Variants in DEDD2 observed in about 807,000 individuals in gnomAD.
DEDD2 encodes death effector domain containing 2, also known as DNA-binding death effector domain-containing protein 2.
Under a neutral mutation model 28.9 loss-of-function variants are expected in DEDD2, and 18 were observed. That is an observed-to-expected ratio of 0.62 (90% confidence interval 0.43 to 0.92). DEDD2 has a LOEUF of 0.92. DEDD2 is among the 40% of genes least tolerant of loss of function. The pLI is 0.00. For synonymous variants in DEDD2, 211 were observed against 206.1 expected (o/e 1.02, Z -0.20); for missense variants, 411 against 463.3 (o/e 0.89, Z 1.04).
chr19:42,205,097 A>C (rs914727983), intron 4 of DEDD2, among the ~76,000 whole-genome samples: 2 of 152,162 alleles, frequency 1.3e-5, no homozygotes, highest in African/African-American at 4.8e-5. Flanking sequence ...GGAAATACAA[A>C]AGACAGGGTA....
intron 4 of DEDD2, chr19:42,202,048 T>C (rs2035352229): frequency 1.0e-5 from 4 of 398,672 alleles, no homozygotes; most frequent in Non-Finnish European, 1.8e-5. Context: ...CATGTGACCT[T>C]ACCTCTCTGA....
At chr19:42,216,319 C>T (rs148361832) in intron 2 of DEDD2, among the ~76,000 whole-genome samples, 83 of 152,350 alleles carry the variant, frequency 5.4e-4, no homozygotes, top group Non-Finnish European at 9.7e-4. Context: ...TACGTGCAAA[C>T]TGCTTAACTT....
chr19:42,213,240 G>C (rs1185316141), intron 3 of DEDD2, among the ~76,000 whole-genome samples: 2 of 152,032 alleles, frequency 1.3e-5, no homozygotes, highest in East Asian at 3.9e-4. Context: ...CAAACTCAAA[G>C]GGGCATTGGG....
intron 3 of DEDD2, among the ~76,000 whole-genome samples, 188 bp downstream of exon 3, chr19:42,214,945 A>G (rs754831751): frequency 1.8e-4 from 27 of 152,142 alleles, no homozygotes. Flanking sequence ...ACGAAACACG[A>G]AACTATGTGC....
intron 4 of DEDD2, chr19:42,201,620 T>C (rs1351526604): frequency 5.7e-6 from 1 of 176,504 alleles, no homozygotes; most frequent in Non-Finnish European, 1.2e-5. Context: ...ACAGACCATG[T>C]CAGCCACAGA....
Position 42,216,759 on chromosome 19 carries a change from C to A in DEDD2, c.249G>T (p.Leu83=). The change falls in exon 2 of 5, where the codon CTG becomes CTT. Residue 83 remains leucine, a synonymous_variant. Coordinates refer to ENST00000596251, the MANE Select transcript of DEDD2 (RefSeq NM_133328.4). ...CGCGCAGGAGTTGCCCCAGCAGCCGCAGGTTGCTCTCGTCGCACTGCCCGC... is the reference window on the plus strand; with the variant it reads ...CGCGCAGGAGTTGCCCCAGCAGCCGAAGGTTGCTCTCGTCGCACTGCCCGC... ...ERRGQCDESN[L]RLLGQLLRVL... 6.3e-7 allele frequency: 1 copy of A among 1,593,978 alleles called. No individual in the cohort carries two copies. The highest frequency in any genetic ancestry group is 8.5e-7 in the Non-Finnish European group (1 of 1,171,228).
At position 42,215,256 on chromosome 19, in the gene DEDD2, G is replaced by A. The variant is rs1401507043; in HGVS notation, c.329-4C>T. On this transcript the variant is annotated splice_polypyrimidine_tract_variant and splice_region_variant and intron_variant, in intron 2 of 4. Coordinates refer to ENST00000596251, the MANE Select transcript of DEDD2 (RefSeq NM_133328.4). ...TAGCTATAGCGTTCTGGAGACACTG[G>A]AGGAAGAGAAGAACAGGAAGAAGCA... The A allele has an allele frequency of 6.2e-7, 1 of 1,613,826 alleles. No individual in the cohort carries two copies. The highest frequency in any genetic ancestry group is 1.3e-5 in the African/African-American group (1 of 75,044).
chr19:42,213,318 A>G (rs541804414), intron 3 of DEDD2, among the ~76,000 whole-genome samples: 26 of 152,362 alleles, frequency 1.7e-4, no homozygotes, highest in African/African-American at 6.0e-4. Context: ...GCAAACACCA[A>G]TGTGATAACT....
intron 4 of DEDD2, among the ~76,000 whole-genome samples, chr19:42,205,427 C>T (rs532251995): frequency 1.3e-5 from 2 of 151,954 alleles, no homozygotes; most frequent in South Asian, 4.2e-4. Context: ...GTCGGGAGTT[C>T]GAGACCAGCC....
At position 42,209,751 on chromosome 19, in the gene DEDD2, G is replaced by A. The variant is rs1399997877; in HGVS notation, c.538C>T (p.Gln180Ter). ...RRRRGAPAAP[Q>*]QQSEPARPSS... ...GGTCTGGCGGGCTCTGACTGCTGCT[G>A]GGGTGCGGCTGGGGCCCCTCTCCGC... Residue 180 changes from glutamine (Q) to a stop codon, truncating the protein, a stop_gained, in exon 4 of 5, where the codon CAG (glutamine) becomes TAG (stop). Transcript: ENST00000596251. LOFTEE classifies it high-confidence loss of function. The A allele has an allele frequency of 6.2e-7, 1 of 1,606,432 alleles. No homozygotes were observed. The highest frequency in any genetic ancestry group is 8.5e-7 in the Non-Finnish European group (1 of 1,176,834).
At chr19:42,207,647 G>A (rs1343144180) in intron 4 of DEDD2, among the ~76,000 whole-genome samples, 1 of 152,120 alleles carries the variant, frequency 6.6e-6, no homozygotes, top group Non-Finnish European at 1.5e-5. Context: ...GTAAACTCCT[G>A]GAGGCTGAGG....
upstream of DEDD2, among the ~76,000 whole-genome samples, chr19:42,219,290 G>A (rs947814419): frequency 2.0e-5 from 3 of 148,998 alleles, no homozygotes; most frequent in Non-Finnish European, 4.5e-5. Flanking sequence ...GGCAACAATA[G>A]CAAAACTCTG....
chr19:42,215,179 C>CCGACGG lies in DEDD2; in HGVS notation c.396_401dup (p.Arg133_Arg134dup), dbSNP rs755680228. 2.5e-6 allele frequency: 4 copies of CCGACGG among 1,614,006 alleles called. No homozygotes were observed. In the African/African-American group the frequency reaches 5.3e-5, roughly 22 times the overall value. On this transcript the variant is annotated inframe_insertion, in exon 3 of 5. Transcript: ENST00000596251. The stretch of plus-strand genomic sequence containing the variant: ...GAGAATTTGCAGAACTGCTTGACTG[C>CCGACGG]CGACGGCGACGGCAGCTACCCTCTG...
In DEDD2 at chr19:42,209,788, A is replaced by G. The variant is rs1397636319; in HGVS notation, c.501T>C (p.Gly167=). ...GGGCCCCTCTCCGCCGCCGTCTGGC[A>G]CCACCACTGGGCCGGCCCCGACTCC... The part of the protein sequence containing the change: ...QRRSRGRPSG[G]ARRRRRGAPA... The change falls in exon 4 of 5, where the codon GGT becomes GGC. Residue 167 remains glycine (G), a synonymous_variant. Coordinates refer to ENST00000596251, the MANE Select transcript of DEDD2 (RefSeq NM_133328.4). 2 of 1,591,764 alleles carry G rather than the reference A, an allele frequency of 1.3e-6. No individual in the cohort carries two copies. The highest frequency in any genetic ancestry group is 2.3e-5 in the South Asian group (2 of 88,724).
intron 4 of DEDD2, among the ~76,000 whole-genome samples, chr19:42,207,691 G>A (rs1349695320): frequency 1.3e-5 from 2 of 152,160 alleles, no homozygotes; most frequent in African/African-American, 4.8e-5. Flanking sequence ...TGAGCCCTCC[G>A]TGCCTGGAAC....
intron 4 of DEDD2, among the ~76,000 whole-genome samples, chr19:42,207,953 T>C (rs1016160521): frequency 4.6e-5 from 7 of 152,074 alleles, no homozygotes; most frequent in African/African-American, 1.7e-4. Flanking sequence ...TCCAGCTTCC[T>C]TGAGCTTGTT....
At chr19:42,200,782 A>T (rs975790135) in intron 4 of DEDD2, among the ~76,000 whole-genome samples, 15 of 152,178 alleles carry the variant, frequency 9.9e-5, no homozygotes, top group Non-Finnish European at 2.2e-4. Context: ...TGCTGAAGCC[A>T]GTTTGAGTCG....
chr19:42,200,309 A>T (rs1164273280), intron 4 of DEDD2, among the ~76,000 whole-genome samples: 1 of 151,824 alleles, frequency 6.6e-6, no homozygotes, highest in East Asian at 1.9e-4. Flanking sequence ...GGAGAGACAG[A>T]TGACAGCAAG....
chr19:42,204,773 C>T (rs936163374), intron 4 of DEDD2, among the ~76,000 whole-genome samples: 2 of 147,324 alleles, frequency 1.4e-5, no homozygotes, highest in African/African-American at 5.1e-5. Flanking sequence ...CGCCCCCACA[C>T]CAGGACCAGC....
Sources: allele counts gnomAD v4.1 joint callset (sites outside exome capture counted in the v4.1 genomes callset), GRCh38; gene constraint gnomAD v4.1.1; transcripts MANE v1.5; gene names NCBI Gene and HGNC (gene_info 2026-07-23, HGNC 2026-07-21).